The following DNAAF5 variants were observed in gnomAD, a reference collection of about 807,000 sequenced individuals.
The protein encoded by DNAAF5 is dynein axonemal assembly factor 5, also known as HEAT repeat containing 2.
In DNAAF5, 64 loss-of-function variants were observed where a neutral mutation model predicts 75.8. That is an observed-to-expected ratio of 0.84 (90% CI 0.69 to 1.04). DNAAF5 has a LOEUF of 1.04. Among genes scored for constraint, DNAAF5 ranks in the 50% least tolerant of loss-of-function variants. The probability of loss-of-function intolerance (pLI) is 0.00; values close to 1 mark genes in which losing one functional copy is unlikely to be tolerated. For missense variants in DNAAF5, 1,269 were observed against 1,178.5 expected (o/e 1.08, Z -1.12); for synonymous variants, 657 against 557.2 (o/e 1.18, Z -2.52).
intron 9 of DNAAF5, 133 bp from the exon 10 acceptor site, chr7:773,915 G>A (rs563094269): frequency 2.1e-6 from 2 of 965,134 alleles, no homozygotes; most frequent in South Asian, 2.9e-5. Context: ...GAGAGGAGGA[G>A]GGGCCTCGTG....
chr7:737,172 TGCAACCTCC>T (rs963517443), intron 2 of DNAAF5, among the ~76,000 whole-genome samples: 83 of 152,270 alleles, frequency 5.5e-4, no homozygotes, highest in African/African-American at 1.8e-3. Context: ...CTCAGCTCAC[TGCAACCTCC>T]GCCTCCCAGG....
At chr7:745,155 T>C (rs947695803) in intron 4 of DNAAF5, among the ~76,000 whole-genome samples, 1 of 152,144 alleles carries the variant, frequency 6.6e-6, no homozygotes, top group African/African-American at 2.4e-5. Flanking sequence ...ATGCTGCTCC[T>C]TAGAGAGGGT....
chr7:754,930 C>A lies in DNAAF5; in HGVS notation c.1257+109C>A. The stretch of plus-strand genomic sequence containing the variant: ...TGTACTGTAGCCAAGACAGCGTTCC[C>A]CTCACCCCCGGGCCGCAGGCCCTCC... On this transcript the variant is annotated intron_variant, in intron 5 of 12. Coordinates refer to ENST00000297440, the MANE Select transcript of DNAAF5 (RefSeq NM_017802.4). The surrounding 1 kb of genome is among the most constrained non-coding windows in gnomAD (Gnocchi z 4.8). 1 of 849,404 alleles carries A rather than the reference C, an allele frequency of 1.2e-6. No individual in the cohort carries two copies. The highest frequency in any genetic ancestry group is 1.8e-6 in the Non-Finnish European group (1 of 557,088). 52.6% of individuals were successfully genotyped at this position (849,404 alleles called of 1,614,324 possible). A position where few individuals can be genotyped will look rare whatever the true frequency, so the allele number is the denominator to read the frequency against.
At chr7:731,139 A>C (rs914504509) in intron 2 of DNAAF5, among the ~76,000 whole-genome samples, 11 of 152,172 alleles carry the variant, frequency 7.2e-5, no homozygotes, top group African/African-American at 1.2e-4. Context: ...AGCATGGCCC[A>C]CAAGGAAAGT....
Position 726,713 on chromosome 7 carries a change from C to G in DNAAF5, c.-8C>G, listed in dbSNP as rs952340129. On this transcript the variant is annotated 5_prime_UTR_variant, in exon 1 of 13. Transcript: ENST00000297440. ...CTGTTCCCCTTAGTGACCGGCGACG[C>G]GGGCAAGATGGCGGCGCTGGGGGTG... 1 of 1,238,562 alleles carries G rather than the reference C, an allele frequency of 8.1e-7. No homozygotes were observed. Among genetic ancestry groups the G allele is most frequent in the East Asian group, 3.2e-5 (1 of 31,670 alleles). The allele number at this position is 1,238,562 out of a possible 1,614,324, so 76.7% of individuals were successfully genotyped here.
chr7:759,955 G>A (rs1363080689), intron 6 of DNAAF5, among the ~76,000 whole-genome samples: 1 of 152,244 alleles, frequency 6.6e-6, no homozygotes, highest in African/African-American at 2.4e-5. Context: ...ACAGGCCTTA[G>A]AGAAATTGGG....
intron 1 of DNAAF5, among the ~76,000 whole-genome samples, chr7:729,290 C>T (rs1313956820): frequency 1.3e-5 from 2 of 152,196 alleles, no homozygotes; most frequent in African/African-American, 2.4e-5. Flanking sequence ...CCTCTGTCTT[C>T]TGGGCTCGGC....
rs186490075 is a variant in DNAAF5, at chr7:741,755, G to A, written c.1024+290G>A. Among the ~76,000 whole-genome samples the A allele has an allele frequency of 2.3e-4, 35 of 152,336 alleles. No individual in the cohort carries two copies. In the East Asian group the frequency reaches 5.0e-3, roughly 22 times the overall value. On this transcript the variant is annotated intron_variant, in intron 4 of 12. Transcript: ENST00000297440. ...TCTGAAAGTGTCCAGCGCACTGCCA[G>A]ATGGTGTCCGCCCCCCTCCGTTGGC... is the stretch of plus-strand genomic sequence containing the variant.
intron 8 of DNAAF5, among the ~76,000 whole-genome samples, chr7:767,868 G>T (rs1490959561): frequency 6.6e-6 from 1 of 151,112 alleles, no homozygotes; most frequent in East Asian, 2.0e-4. Flanking sequence ...CACGCTGGGA[G>T]GGCAGACACA....
At position 736,474 on chromosome 7, in the gene DNAAF5, A is replaced by G. The variant is rs116185758; in HGVS notation, c.781-4345A>G. On this transcript the variant is annotated intron_variant, in intron 2 of 12. Transcript: ENST00000297440. ...CATTATATGATGACCTTTGTCTCTTAGTATAGTTTTCGTCTTGAAATCTGT... is the reference window on the plus strand; with the variant it reads ...CATTATATGATGACCTTTGTCTCTTGGTATAGTTTTCGTCTTGAAATCTGT... Among the ~76,000 whole-genome samples, 479 of 152,316 alleles carry G rather than the reference A, an allele frequency of 3.1e-3. 3 individuals carry two copies. The highest frequency in any genetic ancestry group is 0.01 in the African/African-American group (428 of 41,566).
intron 6 of DNAAF5, among the ~76,000 whole-genome samples, chr7:760,996 G>A (rs1056198058): frequency 1.3e-5 from 2 of 152,226 alleles, no homozygotes; most frequent in African/African-American, 4.8e-5. Flanking sequence ...CTGCCTGCCT[G>A]GGGCCACTTT....
At chr7:769,445 G>C (rs1778478932) in intron 8 of DNAAF5, among the ~76,000 whole-genome samples, 1 of 152,216 alleles carries the variant, frequency 6.6e-6, no homozygotes, top group African/African-American at 2.4e-5. Context: ...TTGGGGCGTA[G>C]GATGCACAGT....
intron 6 of DNAAF5, among the ~76,000 whole-genome samples, chr7:759,506 T>A (rs1284363244): frequency 6.6e-6 from 1 of 152,232 alleles, no homozygotes; most frequent in Non-Finnish European, 1.5e-5. Context: ...TAGGAGTCTC[T>A]TGTGCTTTTC....
At chr7:729,482 G>A (rs1448339967) in intron 1 of DNAAF5, among the ~76,000 whole-genome samples, 181 bp from the exon 2 acceptor site, 3 of 152,294 alleles carry the variant, frequency 2.0e-5, no homozygotes, top group South Asian at 2.1e-4. Context: ...TTCCTGTGCC[G>A]GGCGGTACAG....
intron 4 of DNAAF5, among the ~76,000 whole-genome samples, chr7:750,399 C>T (rs934881151): frequency 6.6e-6 from 1 of 152,224 alleles, no homozygotes; most frequent in African/African-American, 2.4e-5. Context: ...CTTGACTGTA[C>T]CAGCGGTCCC....
intron 6 of DNAAF5, among the ~76,000 whole-genome samples, chr7:758,063 G>A (rs1052333483): frequency 6.6e-6 from 1 of 152,254 alleles, no homozygotes; most frequent in African/African-American, 2.4e-5. Flanking sequence ...AAGGAAGGGA[G>A]CGGGGGAGGG....
chr7:727,383 C>T (rs1781372395), intron 1 of DNAAF5, 68 bp downstream of exon 1: 2 of 934,878 alleles, frequency 2.1e-6, no homozygotes, highest in African/African-American at 3.7e-5. Flanking sequence ...CCTCCGCGGC[C>T]CCTCTCACAA....
rs200574954 is a variant in DNAAF5 at position 754,797 on chromosome 7, C to T, written c.1233C>T (p.Asp411=). The change falls in exon 5 of 13, where the codon GAC becomes GAT. Residue 411 remains aspartate, a synonymous_variant. Transcript: ENST00000297440. The surrounding 1 kb of genome is among the most constrained non-coding windows in gnomAD (Gnocchi z 4.8). ...GGACCCTGTTCCAGGCCTGCACCGA[C>T]GAGGAGGCAGCCGTGGTCCAAAGTG... ...VLRTLFQACT[D]EEAAVVQSCT... 34 of 1,606,720 alleles carry T rather than the reference C, an allele frequency of 2.1e-5. No homozygotes were observed. Among genetic ancestry groups the T allele is most frequent in the Non-Finnish European group, 2.5e-5 (29 of 1,174,898 alleles).
At chr7:736,450 A>G (rs1781741897) in intron 2 of DNAAF5, among the ~76,000 whole-genome samples, 1 of 152,220 alleles carries the variant, frequency 6.6e-6, no homozygotes, top group African/African-American at 2.4e-5. Flanking sequence ...CCCCTTTATC[A>G]TTATATGATG....
Sources: gnomAD v4.1 joint callset for allele counts (sites outside exome capture counted in the v4.1 genomes callset) on GRCh38, gnomAD v4.1.1 for gene constraint, Gnocchi (gnomAD v3.1) non-coding constraint, MANE v1.5 for transcripts, NCBI Gene and HGNC (gene_info 2026-07-23, HGNC 2026-07-21) for gene names.